ACSS1: variants seen among roughly 807,000 people sequenced by gnomAD.
ACSS1 encodes acetyl-coenzyme A synthetase 2-like, mitochondrial.
Under a neutral mutation model 75.3 loss-of-function variants are expected in ACSS1, and 42 were observed. The observed-to-expected ratio is 0.56, with a 90% CI of 0.44 to 0.72. The LOEUF (loss-of-function observed/expected upper bound fraction) is 0.72. Ranked by LOEUF, ACSS1 falls within the 30% of genes least tolerant of loss-of-function variation. The pLI is 0.00. For synonymous variants in ACSS1, 380 were observed against 376.8 expected (o/e 1.01, Z -0.10); for missense variants, 782 against 935.7 (o/e 0.84, Z 2.14).
intron 2 of ACSS1, among the ~76,000 whole-genome samples, chr20:25,034,727 C>T (rs1476350882): frequency 6.6e-6 from 1 of 151,988 alleles, no homozygotes; most frequent in African/African-American, 2.4e-5. Flanking sequence ...CACCACCATG[C>T]CCAGCTAATT....
intron 6 of ACSS1, among the ~76,000 whole-genome samples, 192 bp downstream of exon 6, chr20:25,021,197 C>G (rs570638361): frequency 6.6e-6 from 1 of 152,372 alleles, no homozygotes; most frequent in Non-Finnish European, 1.5e-5. Context: ...AGACTCCCTG[C>G]TGCTGCCTGT....
At chr20:25,046,927 C>T (rs1019909716) in intron 2 of ACSS1, 14 of 779,202 alleles carry the variant, frequency 1.8e-5, no homozygotes, top group Middle Eastern at 4.5e-4. Context: ...GTGGGGGAGA[C>T]GGGTCAGCAA....
In ACSS1 at chr20:25,006,694, G is replaced by C; in HGVS notation, c.*1068C>G. ...AGGGAGGTAAGCACCCACTGGCGTC[G>C]TGATTTCCATTATCTTGCTAATGTT... On this transcript the variant is annotated 3_prime_UTR_variant, in exon 14 of 14. Transcript: ENST00000323482. 1 of 1,065,284 alleles carries C rather than the reference G, an allele frequency of 9.4e-7. No individual in the cohort carries two copies. The highest frequency in any genetic ancestry group is 1.3e-6 in the Non-Finnish European group (1 of 764,782). The allele number at this position is 1,065,284 out of a possible 1,614,324, so 66.0% of individuals were successfully genotyped here. A position where few individuals can be genotyped will look rare whatever the true frequency, so the allele number is the denominator to read the frequency against.
intron 7 of ACSS1, among the ~76,000 whole-genome samples, chr20:25,019,280 C>T (rs748300592): frequency 3.3e-5 from 5 of 152,206 alleles, no homozygotes; most frequent in Non-Finnish European, 5.9e-5. Flanking sequence ...CCAGCACCAG[C>T]CCGAAAGACA....
chr20:25,030,401 C>T (rs578018569), intron 3 of ACSS1, among the ~76,000 whole-genome samples: 10 of 152,318 alleles, frequency 6.6e-5, no homozygotes, highest in African/African-American at 2.2e-4. Context: ...AGTTGTTGAC[C>T]TGTGGAACCT....
intron 2 of ACSS1, chr20:25,046,923 G>A (rs937614486): frequency 3.6e-5 from 28 of 779,402 alleles, no homozygotes; most frequent in Non-Finnish European, 6.2e-5. Context: ...GCTGGTGGGG[G>A]AGACGGGTCA....
In ACSS1 at chr20:25,006,846, TG is replaced by T. The variant is rs2088317371; in HGVS notation, c.*915del. ...AGGTCAGGCAGCGTTTGCCAGGATT[TG>T]GCTCTGACCAAGTTAGTGCTCTAAC... On this transcript the variant is annotated 3_prime_UTR_variant, in exon 14 of 14. Coordinates refer to ENST00000323482, the MANE Select transcript of ACSS1 (RefSeq NM_032501.4). The T allele has an allele frequency of 2.0e-6, 3 of 1,535,384 alleles. No homozygotes were observed. Among genetic ancestry groups the T allele is most frequent in the Admixed American group, 3.9e-5 (2 of 50,974 alleles).
intron 7 of ACSS1, 68 bp from the exon 8 acceptor site, chr20:25,015,298 T>C: frequency 7.6e-7 from 1 of 1,315,852 alleles, no homozygotes; most frequent in Non-Finnish European, 1.1e-6. Context: ...AGGGAAGTTT[T>C]GTTTTTTGTT....
In ACSS1 at chr20:25,006,917, T is replaced by C. The variant is rs1232941313; in HGVS notation, c.*845A>G. On this transcript the variant is annotated 3_prime_UTR_variant, in exon 14 of 14. Coordinates refer to ENST00000323482, the MANE Select transcript of ACSS1 (RefSeq NM_032501.4). Reference sequence around the variant, plus strand: ...TAGCTTCCCTGAAGAACCCAACTATTTGGAGTATGTTGCCTCTCCTATCAA... The same window carrying C: ...TAGCTTCCCTGAAGAACCCAACTATCTGGAGTATGTTGCCTCTCCTATCAA... The C allele has an allele frequency of 1.3e-6, 2 of 1,535,322 alleles. No individual in the cohort carries two copies. The highest frequency in any genetic ancestry group is 1.7e-6 in the Non-Finnish European group (2 of 1,146,734).
At chr20:25,033,725 G>C (rs764054447) in intron 2 of ACSS1, among the ~76,000 whole-genome samples, 46 of 152,234 alleles carry the variant, frequency 3.0e-4, no homozygotes, top group Admixed American at 5.9e-4. Context: ...ACATGTGAAG[G>C]TGTGCAGGGC....
intron 7 of ACSS1, 78 bp from the exon 8 acceptor site, chr20:25,015,308 T>C: frequency 7.9e-7 from 1 of 1,267,126 alleles, no homozygotes; most frequent in Non-Finnish European, 1.1e-6. Context: ...TGTTTTTTGT[T>C]TTTTGTTTTT....
Position 25,057,977 on chromosome 20 carries a change from C to T in ACSS1, c.126G>A (p.Ser42=), listed in dbSNP as rs1402759299. 6.4e-7 allele frequency: 1 copy of T among 1,556,470 alleles called. No individual in the cohort carries two copies. The highest frequency in any genetic ancestry group is 1.9e-5 in the Admixed American group (1 of 51,948). The change falls in exon 1 of 14, where the codon TCG becomes TCA. Residue 42 remains serine, a synonymous_variant. Transcript: ENST00000323482. ...SAPRRAASGP[S]GSAPAVAAAA... is the part of the protein sequence containing the mutation. ...CTGCTGCAACTGCGGGAGCGCTGCC[C>T]GAGGGTCCCGAGGCCGCCCTGCGCG...
At chr20:25,046,682 T>G in intron 2 of ACSS1, 1 of 663,588 alleles carries the variant, frequency 1.5e-6, no homozygotes, top group Non-Finnish European at 2.8e-6. Flanking sequence ...AGAAGGGGCT[T>G]TGTTCGCAGG....
rs1372259942 is a variant in ACSS1 at position 25,058,095 on chromosome 20, G to A, written c.8C>T (p.Ala3Val). 8.0e-7 allele frequency: 1 copy of A among 1,250,990 alleles called. No individual in the cohort carries two copies. Among genetic ancestry groups the A allele is most frequent in the Non-Finnish European group, 1.0e-6 (1 of 1,000,482 alleles). 77.5% of individuals were successfully genotyped at this position (1,250,990 alleles called of 1,614,324 possible). A position where few individuals can be genotyped will look rare whatever the true frequency, so the allele number is the denominator to read the frequency against. Residue 3 changes from alanine to valine, a missense_variant, in exon 1 of 14, where the codon GCG (alanine) becomes GTG (valine). Transcript: ENST00000323482. MA[A>V]RTLGRGVGRL... ...CCCGACGCCGCGGCCCAGGGTGCGC[G>A]CCGCCATCTAGGCAGGCTACCTGAG...
chr20:25,007,796 T>A lies in ACSS1; in HGVS notation c.2036A>T (p.Gln679Leu). The change falls in exon 14 of 14, where the codon CAG (glutamine) becomes CTG (leucine). Residue 679 changes from glutamine (Q) to leucine (L), a missense_variant. Gln to Leu is a moderately radical substitution (Grantham distance 113). Coordinates refer to ENST00000323482, the MANE Select transcript of ACSS1 (RefSeq NM_032501.4). The stretch of plus-strand genomic sequence containing the variant: ...AGCAGCCTGCTTGTCCTTGCACTTC[T>A]GGTAGACACTCAGGATCTCTGCGAT... ...SIIAEILSVYQKCKDKQAAAK is the reference protein window; with the variant it reads ...SIIAEILSVYLKCKDKQAAAK The A allele has an allele frequency of 6.2e-7, 1 of 1,614,184 alleles. No individual in the cohort carries two copies. Among genetic ancestry groups the A allele is most frequent in the Admixed American group, 1.7e-5 (1 of 60,024 alleles).
chr20:25,056,141 C>A (rs2089238793), intron 1 of ACSS1, among the ~76,000 whole-genome samples: 1 of 152,196 alleles, frequency 6.6e-6, no homozygotes, highest in Non-Finnish European at 1.5e-5. Flanking sequence ...TTCAGAAGGT[C>A]CTTGCTGTTG....
chr20:25,053,099 C>T (rs550217644), intron 1 of ACSS1, among the ~76,000 whole-genome samples: 1 of 146,982 alleles, frequency 6.8e-6, no homozygotes, highest in South Asian at 2.2e-4. Context: ...GGTCTCACTC[C>T]ATTGCCCAGG....
chr20:25,021,333 C>T, intron 6 of ACSS1, 56 bp downstream of exon 6: 1 of 1,590,000 alleles, frequency 6.3e-7, no homozygotes, highest in Non-Finnish European at 8.6e-7. Flanking sequence ...CCTCGAGCCT[C>T]AGGCTCTCTC....
Position 25,030,933 on chromosome 20 carries a change from G to C in ACSS1, c.457C>G (p.Leu153Val). 6.2e-7 allele frequency: 1 copy of C among 1,614,188 alleles called. No individual in the cohort carries two copies. Residue 153 changes from leucine to valine, a missense_variant, in exon 3 of 14, where the codon CTG (leucine) becomes GTG (valine). By Grantham distance (32) the Leu-to-Val change is conservative. Around this residue, in one of 2 missense-constraint regions of ACSS1, gnomAD observed 377 missense variants for 383.1 expected, o/e 0.98. Transcript: ENST00000323482. ...CCATGCCTCTTCAGCGTGTTGGCCAGGCGGCACGTGGTCTCCAGTAGTTCC... is the reference window on the plus strand; with the variant it reads ...CCATGCCTCTTCAGCGTGTTGGCCACGCGGCACGTGGTCTCCAGTAGTTCC... ...YRELLETTCRLANTLKRHGVH... is the reference protein window; with the variant it reads ...YRELLETTCRVANTLKRHGVH...
Sources: allele counts gnomAD v4.1 joint callset (sites outside exome capture counted in the v4.1 genomes callset), GRCh38; gene constraint gnomAD v4.1.1; regional missense constraint gnomAD v4.1.1; transcripts MANE v1.5; gene names NCBI Gene and HGNC (gene_info 2026-07-23, HGNC 2026-07-21).